The following ULK4 variants were observed in gnomAD, a reference collection of about 807,000 sequenced individuals.
ULK4 encodes inactive serine/threonine-protein kinase ULK4.
In ULK4, 133 loss-of-function variants were observed where a neutral mutation model predicts 160.6. That is an observed-to-expected ratio of 0.83 (90% CI 0.72 to 0.96). The LOEUF (loss-of-function observed/expected upper bound fraction) is 0.96. Ranked by LOEUF, ULK4 falls within the 40% of genes least tolerant of loss-of-function variation. The pLI, the probability that ULK4 is intolerant of heterozygous loss-of-function variation, is 0.00. For synonymous variants in ULK4, 534 were observed against 539.8 expected (o/e 0.99, Z 0.15); for missense variants, 1,580 against 1,499.5 (o/e 1.05, Z -0.89).
intron 35 of ULK4, among the ~76,000 whole-genome samples, chr3:41,317,661 T>C (rs1365501999): frequency 2.0e-5 from 3 of 152,188 alleles, no homozygotes; most frequent in Admixed American, 1.3e-4. Flanking sequence ...TCAAATAATA[T>C]ATCCCTCTGA....
intron 17 of ULK4, among the ~76,000 whole-genome samples, chr3:41,851,757 G>C (rs528906016): frequency 6.6e-6 from 1 of 151,968 alleles, no homozygotes; most frequent in African/African-American, 2.4e-5. Flanking sequence ...GTGTGTAGAG[G>C]GAAATTTATA....
At chr3:41,636,724 T>C (rs1337150316) in intron 30 of ULK4, among the ~76,000 whole-genome samples, 2 of 152,044 alleles carry the variant, frequency 1.3e-5, no homozygotes, top group Non-Finnish European at 2.9e-5. Context: ...TCATTTAGCA[T>C]TAGGTATATC....
At chr3:41,726,438 C>T (rs376331900) in intron 22 of ULK4, among the ~76,000 whole-genome samples, 8 of 152,262 alleles carry the variant, frequency 5.3e-5, no homozygotes, top group Admixed American at 2.6e-4. Flanking sequence ...ATAAAGGAGA[C>T]AAAATGTGGA....
At chr3:41,784,235 G>A (rs1405301287) in intron 21 of ULK4, among the ~76,000 whole-genome samples, 1 of 152,072 alleles carries the variant, frequency 6.6e-6, no homozygotes, top group Admixed American at 6.5e-5. Context: ...GGGAGTTTGA[G>A]GCCAGGCTGA....
At chr3:41,528,057 T>C (rs942109744) in intron 32 of ULK4, among the ~76,000 whole-genome samples, 3 of 152,234 alleles carry the variant, frequency 2.0e-5, no homozygotes, top group Admixed American at 1.3e-4. Context: ...GAAAACAGAT[T>C]ATTTGAGTAT....
Position 41,705,093 on chromosome 3 carries a change from T to C in ULK4, c.2745A>G (p.Ile915Met), listed in dbSNP as rs376339062. 6.0e-5 allele frequency: 97 copies of C among 1,613,902 alleles called. No homozygotes were observed. Among genetic ancestry groups the C allele is most frequent in the Admixed American group, 8.3e-5 (5 of 59,992 alleles). The stretch of plus-strand genomic sequence containing the variant: ...AGTCTTTCAATAAAATAGGATACTG[T>C]ATTATTGCTTCAAAAGCTGACAATG... The part of the protein sequence containing the change: ...KITLSAFEAI[I>M]QYPILLKDYR... The change falls in exon 27 of 37, where the codon ATA (isoleucine) becomes ATG (methionine). Residue 915 changes from isoleucine to methionine, a missense_variant. Physicochemically the swap from Ile to Met is conservative, Grantham distance 10. Transcript: ENST00000301831.
At chr3:41,259,048 A>G (rs1559491276) in intron 35 of ULK4, among the ~76,000 whole-genome samples, 1 of 135,958 alleles carries the variant, frequency 7.4e-6, no homozygotes, top group Non-Finnish European at 1.7e-5. Context: ...GTATACACAC[A>G]TATATGTATA....
chr3:41,833,297 T>TTTTTTTGTTTTTTTTTTTG (rs2041654136), intron 18 of ULK4, among the ~76,000 whole-genome samples: 1 of 138,994 alleles, frequency 7.2e-6, no homozygotes, highest in Admixed American at 7.2e-5. Flanking sequence ...TTTTTTTTTT[T>TTTTTTTGTTTTTTTTTTTG]TTTGTTTGTT....
At chr3:41,807,302 G>A (rs1247122791) in intron 19 of ULK4, among the ~76,000 whole-genome samples, 4 of 152,110 alleles carry the variant, frequency 2.6e-5, no homozygotes, top group Non-Finnish European at 5.9e-5. Context: ...CTCTGTTAAT[G>A]ATGATTATAA....
At chr3:41,905,913 A>G (rs1698072555) in intron 12 of ULK4, among the ~76,000 whole-genome samples, 1 of 152,076 alleles carries the variant, frequency 6.6e-6, no homozygotes, top group South Asian at 2.1e-4. Flanking sequence ...GTCTCTACTA[A>G]AAATACAAAA....
intron 35 of ULK4, among the ~76,000 whole-genome samples, chr3:41,349,101 A>T (rs1186322490): frequency 6.6e-6 from 1 of 152,176 alleles, no homozygotes; most frequent in African/African-American, 2.4e-5. Flanking sequence ...GCACATCTGG[A>T]AGACCAGAGG....
chr3:41,462,945 T>C lies in ULK4; in HGVS notation c.3393+142A>G, dbSNP rs2083723463. On this transcript the variant is annotated intron_variant, in intron 33 of 36. Coordinates refer to ENST00000301831, the MANE Select transcript of ULK4 (RefSeq NM_017886.4). ...TTGACATTGGTCACCCAAAGATGAC[T>C]CTTCAGAAGACACTCTCTATAGAAT... 17 of 1,019,546 alleles carry C rather than the reference T, an allele frequency of 1.7e-5. No individual in the cohort carries two copies. In the East Asian group the frequency reaches 4.4e-4, roughly 27 times the overall value. The allele number at this position is 1,019,546 out of a possible 1,614,324, so 63.2% of individuals were successfully genotyped here. A position where few individuals can be genotyped will look rare whatever the true frequency, so the allele number is the denominator to read the frequency against.
At chr3:41,562,882 T>C (rs750681471) in intron 32 of ULK4, among the ~76,000 whole-genome samples, 3 of 152,200 alleles carry the variant, frequency 2.0e-5, no homozygotes, top group South Asian at 2.1e-4. Context: ...TACTGTTATG[T>C]GTGAATTTGA....
chr3:41,841,689 C>T (rs1223699102), intron 17 of ULK4, among the ~76,000 whole-genome samples: 2 of 151,260 alleles, frequency 1.3e-5, no homozygotes, highest in African/African-American at 2.4e-5. Flanking sequence ...GCGGTTTTGT[C>T]GAAAAGAAAA....
intron 31 of ULK4, among the ~76,000 whole-genome samples, chr3:41,593,488 A>G (rs2031490640): frequency 6.6e-6 from 1 of 152,230 alleles, no homozygotes; most frequent in African/African-American, 2.4e-5. Flanking sequence ...TTATTTAACC[A>G]AACCATGGTA....
At chr3:41,909,919 G>A (rs942259991) in intron 11 of ULK4, among the ~76,000 whole-genome samples, 9 of 150,694 alleles carry the variant, frequency 6.0e-5, no homozygotes, top group East Asian at 5.8e-4. Flanking sequence ...TTTTTGAGAC[G>A]GTGTTTCGCT....
intron 34 of ULK4, among the ~76,000 whole-genome samples, chr3:41,403,471 C>T (rs561382068): frequency 2.5e-4 from 38 of 152,208 alleles, no homozygotes; most frequent in African/African-American, 9.1e-4. Flanking sequence ...TTGATAATTT[C>T]TGTCTTCTCT....
At chr3:41,285,556 T>C (rs766919324) in intron 35 of ULK4, among the ~76,000 whole-genome samples, 2 of 151,940 alleles carry the variant, frequency 1.3e-5, no homozygotes, top group Non-Finnish European at 2.9e-5. Flanking sequence ...CACAAAGGTG[T>C]AAGAATGATA....
At chr3:41,956,286 A>G (rs1420916810) in intron 1 of ULK4, among the ~76,000 whole-genome samples, 1 of 152,190 alleles carries the variant, frequency 6.6e-6, no homozygotes, top group East Asian at 1.9e-4. Context: ...CACTTGATTT[A>G]CCGGAGGTGA....
Sources: allele counts gnomAD v4.1 joint callset (sites outside exome capture counted in the v4.1 genomes callset), GRCh38; gene constraint gnomAD v4.1.1; transcripts MANE v1.5; gene names NCBI Gene and HGNC (gene_info 2026-07-23, HGNC 2026-07-21).